KIAA0319L: variants seen among roughly 807,000 people sequenced by gnomAD.
KIAA0319L encodes dyslexia-associated protein KIAA0319-like protein.
In KIAA0319L, 55 loss-of-function variants were observed where a neutral mutation model predicts 120.1. The observed-to-expected ratio is 0.46, with a 90% CI of 0.37 to 0.57. The LOEUF (loss-of-function observed/expected upper bound fraction) is 0.57. Ranked by LOEUF, KIAA0319L falls within the 20% of genes least tolerant of loss-of-function variation. The pLI, the probability that KIAA0319L is intolerant of heterozygous loss-of-function variation, is 0.00. For synonymous variants in KIAA0319L, 398 were observed against 471.9 expected, an observed-to-expected ratio of 0.84 and a Z score of 2.03; for missense variants, 1,049 against 1,255.3, an observed-to-expected ratio of 0.84 and a Z score of 2.48.
At chr1:35,436,826 G>A (rs952561412) in intron 20 of KIAA0319L, among the ~76,000 whole-genome samples, 4 of 152,072 alleles carry the variant, frequency 2.6e-5, no homozygotes, top group South Asian at 2.1e-4. Flanking sequence ...CAAACTGTCC[G>A]TCCAGACTCC....
chr1:35,526,435 A>ATATACACACACATACATATATATATGTG (rs1646151305), intron 2 of KIAA0319L, among the ~76,000 whole-genome samples: 2 of 144,794 alleles, frequency 1.4e-5, no homozygotes, highest in African/African-American at 5.1e-5. Context: ...ATATATGTAT[A>ATATACACACACATACATATATATATGTG]TATATATATA....
chr1:35,459,801 T>C (rs563375907), intron 9 of KIAA0319L, among the ~76,000 whole-genome samples: 4 of 152,278 alleles, frequency 2.6e-5, no homozygotes, highest in African/African-American at 7.2e-5. Context: ...AAAGCTTTAG[T>C]AATCACTCTA....
intron 3 of KIAA0319L, among the ~76,000 whole-genome samples, chr1:35,502,570 C>A (rs1645050236): frequency 6.6e-6 from 1 of 152,062 alleles, no homozygotes; most frequent in Non-Finnish European, 1.5e-5. Context: ...AACTTCTTCT[C>A]CACTCTACCC....
chr1:35,510,285 C>T (rs1645377319), intron 2 of KIAA0319L: 1 of 152,122 alleles, frequency 6.6e-6, no homozygotes, highest in South Asian at 2.1e-4. Flanking sequence ...TGGCAAATTC[C>T]TCAAGCACTC....
intron 2 of KIAA0319L, among the ~76,000 whole-genome samples, chr1:35,533,687 C>T (rs1376594499): frequency 1.3e-5 from 2 of 152,234 alleles, no homozygotes; most frequent in Admixed American, 1.3e-4. Context: ...TGTCTTCCTA[C>T]AGCTATCATC....
intron 2 of KIAA0319L, among the ~76,000 whole-genome samples, chr1:35,538,894 T>C (rs1646685099): frequency 6.6e-6 from 1 of 152,014 alleles, no homozygotes; most frequent in Admixed American, 6.6e-5. Context: ...TATGGGCAAA[T>C]TGGTCAACAC....
Position 35,479,013 on chromosome 1 carries a change from G to T in KIAA0319L, c.866C>A (p.Thr289Asn), listed in dbSNP as rs1298713077. The T allele has an allele frequency of 1.2e-6, 2 of 1,614,090 alleles. No homozygotes were observed. The highest frequency in any genetic ancestry group is 2.2e-5 in the East Asian group (1 of 44,882). ...QPVAPSYSYA[T>N]PTPQASFQST... ...CTGGAAAGAGGCCTGGGGGGTAGGG[G>T]TAGCATAACTGTAGGAGGGAGCCAC... The change falls in exon 4 of 21, where the codon ACC becomes AAC. Residue 289 changes from threonine (T) to asparagine (N), a missense_variant. Coordinates refer to ENST00000325722, the MANE Select transcript of KIAA0319L (RefSeq NM_024874.5).
intron 2 of KIAA0319L, among the ~76,000 whole-genome samples, chr1:35,523,144 G>A (rs1645994416): frequency 6.6e-6 from 1 of 151,342 alleles, no homozygotes; most frequent in African/African-American, 2.4e-5. Flanking sequence ...CCCTGAAATG[G>A]ACCATTCTTC....
intron 9 of KIAA0319L, 70 bp downstream of exon 9, chr1:35,460,235 A>T: frequency 3.2e-6 from 4 of 1,269,600 alleles, no homozygotes; most frequent in Non-Finnish European, 3.4e-6. Context: ...AGTTACTCAT[A>T]TAACAATGTA....
chr1:35,450,582 G>A (rs2149088890), intron 13 of KIAA0319L, 73 bp from the exon 14 acceptor site: 2 of 1,438,330 alleles, frequency 1.4e-6, no homozygotes, highest in East Asian at 2.3e-5. Context: ...GATGCTTATG[G>A]GGAAATTAAA....
intron 2 of KIAA0319L, among the ~76,000 whole-genome samples, chr1:35,515,586 C>T (rs1335053966): frequency 6.6e-6 from 1 of 152,098 alleles, no homozygotes; most frequent in African/African-American, 2.4e-5. Context: ...ATTCATAGCA[C>T]TAAATACCCA....
chr1:35,460,497 G>A lies in KIAA0319L; in HGVS notation c.1295-60C>T, dbSNP rs1467923186. ...AACGCTTGGTCTTAGCACTTATCCA[G>A]TTTACACAAACCAGGACAACTACCC... On this transcript the variant is annotated intron_variant, in intron 8 of 20. Coordinates refer to ENST00000325722, the MANE Select transcript of KIAA0319L (RefSeq NM_024874.5). 4.0e-6 allele frequency: 6 copies of A among 1,508,502 alleles called. No individual in the cohort carries two copies. The East Asian group carries it at 1.1e-4, about 29-fold the overall frequency. The allele number at this position is 1,508,502 out of a possible 1,614,324, so 93.4% of individuals were successfully genotyped here. A position where few individuals can be genotyped will look rare whatever the true frequency, so the allele number is the denominator to read the frequency against.
intron 2 of KIAA0319L, among the ~76,000 whole-genome samples, chr1:35,526,579 G>A (rs1646157607): frequency 6.6e-6 from 1 of 151,400 alleles, no homozygotes; most frequent in African/African-American, 2.4e-5. Flanking sequence ...CCAAATAGCT[G>A]GGACCACAGA....
chr1:35,441,989 C>A (rs1324919235), intron 19 of KIAA0319L, among the ~76,000 whole-genome samples: 1 of 152,174 alleles, frequency 6.6e-6, no homozygotes, highest in Non-Finnish European at 1.5e-5. Flanking sequence ...CCCACCTTGC[C>A]CTGCTCCCGC....
chr1:35,444,908 T>C (rs2149079546), intron 16 of KIAA0319L, among the ~76,000 whole-genome samples: 1 of 152,348 alleles, frequency 6.6e-6, no homozygotes, highest in South Asian at 2.1e-4. Context: ...TGTTTGCTGA[T>C]TGTCAATTCC....
chr1:35,460,572 G>T, intron 8 of KIAA0319L, 135 bp from the exon 9 acceptor site: 1 of 741,658 alleles, frequency 1.3e-6, no homozygotes, highest in Non-Finnish European at 2.2e-6. Context: ...TATCTCTCCA[G>T]AATGTTTCTT....
chr1:35,491,212 A>G (rs1286518401), intron 3 of KIAA0319L, among the ~76,000 whole-genome samples: 1 of 152,238 alleles, frequency 6.6e-6, no homozygotes, highest in African/African-American at 2.4e-5. Flanking sequence ...AAGACTGAAA[A>G]TAAACGAATG....
chr1:35,513,288 A>ATATATATTTT (rs1414704674), intron 2 of KIAA0319L, among the ~76,000 whole-genome samples: 6 of 85,338 alleles, frequency 7.0e-5, no homozygotes, highest in South Asian at 4.3e-4. Context: ...ATATATATAT[A>ATATATATTTT]TTTTTTTTTT....
At chr1:35,470,740 G>A (rs1310446234) in intron 6 of KIAA0319L, 123 bp downstream of exon 6, 4 of 660,630 alleles carry the variant, frequency 6.1e-6, no homozygotes, top group Non-Finnish European at 1.1e-5. Flanking sequence ...TCAGATTTTT[G>A]GAGGATTCAT....
Sources: allele counts gnomAD v4.1 joint callset (sites outside exome capture counted in the v4.1 genomes callset), GRCh38; gene constraint gnomAD v4.1.1; transcripts MANE v1.5; gene names NCBI Gene and HGNC (gene_info 2026-07-23, HGNC 2026-07-21).